The following INTU variants were observed in gnomAD, a reference collection of about 807,000 sequenced individuals.
INTU encodes the protein inturned planar cell polarity protein.
In INTU, 68 loss-of-function variants were observed where a neutral mutation model predicts 100.5. That is an observed-to-expected ratio of 0.68 (90% CI 0.56 to 0.83). INTU has a LOEUF of 0.83. Ranked by LOEUF, INTU falls within the 40% of genes least tolerant of loss-of-function variation. INTU has a pLI of 0.00. For missense variants in INTU, 1,071 were observed against 1,114.7 expected, an observed-to-expected ratio of 0.96 and a Z score of 0.56; for synonymous variants, 357 against 395.7, an observed-to-expected ratio of 0.90 and a Z score of 1.16.
intron 8 of INTU, among the ~76,000 whole-genome samples, chr4:127,695,647 A>G (rs969171680): frequency 6.6e-6 from 1 of 152,208 alleles, no homozygotes; most frequent in African/African-American, 2.4e-5. Flanking sequence ...CATGTCATCT[A>G]TGAACAAAGA....
chr4:127,652,771 G>A (rs1428807754), intron 2 of INTU, among the ~76,000 whole-genome samples: 3 of 134,824 alleles, frequency 2.2e-5, no homozygotes, highest in Non-Finnish European at 4.7e-5. Flanking sequence ...TTTTTCTATT[G>A]ATTGGAATAG....
rs1197417140 is a variant in INTU at position 127,706,501 on chromosome 4, A to G, written c.1803A>G (p.Leu601=). ...LLVVGLKHYM[L]CVLLEAGGCA... Reference sequence around the variant, plus strand: ...TTTCCCTATAGAAACATTATATGCTATGTGTACTATTAGAAGCTGGAGGTT... The same window carrying G: ...TTTCCCTATAGAAACATTATATGCTGTGTGTACTATTAGAAGCTGGAGGTT... The change falls in exon 12 of 16, where the codon CTA becomes CTG. Residue 601 remains leucine (L), a synonymous_variant. Coordinates refer to ENST00000335251, the MANE Select transcript of INTU (RefSeq NM_015693.4). 5 of 1,612,206 alleles carry G rather than the reference A, an allele frequency of 3.1e-6. No homozygotes were observed. Among genetic ancestry groups the G allele is most frequent in the Non-Finnish European group, 4.2e-6 (5 of 1,178,958 alleles).
At chr4:127,673,098 A>C (rs548634562) in intron 5 of INTU, among the ~76,000 whole-genome samples, 1 of 152,218 alleles carries the variant, frequency 6.6e-6, no homozygotes, top group Non-Finnish European at 1.5e-5. Flanking sequence ...CTGGGACTAC[A>C]TCTTCCTTTC....
chr4:127,649,047 C>A (rs1727712475), intron 2 of INTU, among the ~76,000 whole-genome samples: 1 of 151,998 alleles, frequency 6.6e-6, no homozygotes, highest in Non-Finnish European at 1.5e-5. Context: ...CTGCACTTAA[C>A]CCCATTCTCA....
chr4:127,710,240 C>T (rs1041206424), intron 13 of INTU, among the ~76,000 whole-genome samples: 2 of 151,846 alleles, frequency 1.3e-5, no homozygotes, highest in Non-Finnish European at 2.9e-5. Context: ...TATTGACATG[C>T]AAAGATGTTT....
intron 4 of INTU, among the ~76,000 whole-genome samples, chr4:127,665,731 G>C (rs887266122): frequency 1.3e-5 from 2 of 152,060 alleles, no homozygotes; most frequent in Non-Finnish European, 2.9e-5. Context: ...GCATCTAGCT[G>C]CCAATGAGAG....
Position 127,714,110 on chromosome 4 carries a change from A to T in INTU, c.2717+17A>T. The T allele has an allele frequency of 6.3e-7, 1 of 1,591,664 alleles. No individual in the cohort carries two copies. The highest frequency in any genetic ancestry group is 8.5e-7 in the Non-Finnish European group (1 of 1,170,168). Reference sequence around the variant, plus strand: ...GGTAGTAGGGTAAGTGAGAAAAAAAAGTATTTGAAAGTAAAGTGTTAGAAA... The same window carrying T: ...GGTAGTAGGGTAAGTGAGAAAAAAATGTATTTGAAAGTAAAGTGTTAGAAA... On this transcript the variant is annotated intron_variant, in intron 15 of 15. Coordinates refer to ENST00000335251, the MANE Select transcript of INTU (RefSeq NM_015693.4).
chr4:127,707,060 A>G, intron 12 of INTU, 91 bp downstream of exon 12: 1 of 1,375,424 alleles, frequency 7.3e-7, no homozygotes, highest in Non-Finnish European at 9.9e-7. Context: ...TTAGTGGCAT[A>G]CCATTCTTCA....
At position 127,718,559 on chromosome 4, in the gene INTU, A is replaced by G. The variant is rs1396796363; in HGVS notation, c.*2123A>G. The G allele has an allele frequency of 2.0e-5, 3 of 152,172 alleles. No homozygotes were observed. Among genetic ancestry groups the G allele is most frequent in the Admixed American group, 2.0e-4 (3 of 15,268 alleles). 9.4% of individuals were successfully genotyped at this position (152,172 alleles called of 1,614,324 possible). A position where few individuals can be genotyped will look rare whatever the true frequency, so the allele number is the denominator to read the frequency against. ...GTTTAATGGGAATAACATTGACTCT[A>G]TAAATTACTTTGGGCAGTATGGCTA... On this transcript the variant is annotated 3_prime_UTR_variant, in exon 16 of 16. Transcript: ENST00000335251.
At chr4:127,653,104 TTC>T (rs1727981456) in intron 2 of INTU, among the ~76,000 whole-genome samples, 1 of 151,326 alleles carries the variant, frequency 6.6e-6, no homozygotes, top group African/African-American at 2.4e-5. Flanking sequence ...TATTTGATTC[TTC>T]TCTCTTTTTT....
chr4:127,716,641 T>C lies in INTU; in HGVS notation c.*205T>C, dbSNP rs1731270875. 3.1e-6 allele frequency: 1 copy of C among 323,198 alleles called. No homozygotes were observed. Among genetic ancestry groups the C allele is most frequent in the Non-Finnish European group, 5.6e-6 (1 of 178,822 alleles). 20.0% of individuals were successfully genotyped at this position (323,198 alleles called of 1,614,324 possible). A position where few individuals can be genotyped will look rare whatever the true frequency, so the allele number is the denominator to read the frequency against. On this transcript the variant is annotated 3_prime_UTR_variant, in exon 16 of 16. Transcript: ENST00000335251. ...ATTGTAAGACTTTTGAGAATATACT[T>C]GATTAAAATGTGAAAGAAGGGATTG... is the stretch of plus-strand genomic sequence containing the variant.
chr4:127,671,690 G>A (rs1056891631), intron 5 of INTU, among the ~76,000 whole-genome samples: 4 of 151,878 alleles, frequency 2.6e-5, no homozygotes, highest in African/African-American at 7.2e-5. Flanking sequence ...ATTCACAATA[G>A]CAAAGATAAT....
At chr4:127,703,431 A>C (rs1730737909) in intron 9 of INTU, among the ~76,000 whole-genome samples, 1 of 152,176 alleles carries the variant, frequency 6.6e-6, no homozygotes, top group African/African-American at 2.4e-5. Context: ...TATGGATTGG[A>C]ATGTATCCTT....
chr4:127,703,657 T>A (rs1730749066), intron 9 of INTU, among the ~76,000 whole-genome samples: 1 of 152,178 alleles, frequency 6.6e-6, no homozygotes, highest in South Asian at 2.1e-4. Context: ...CTGTGGTATA[T>A]CTAGTTTTGC....
chr4:127,659,966 A>G (rs1190497184), intron 3 of INTU, among the ~76,000 whole-genome samples: 6 of 152,224 alleles, frequency 3.9e-5, no homozygotes, highest in African/African-American at 7.2e-5. Context: ...AATTTTTTAA[A>G]TATTTGTAAA....
chr4:127,635,147 A>C (rs1301062993), intron 1 of INTU, among the ~76,000 whole-genome samples: 1 of 152,214 alleles, frequency 6.6e-6, no homozygotes, highest in Admixed American at 6.5e-5. Context: ...GCTGTATGTG[A>C]TTGTCAATAT....
chr4:127,703,865 C>A (rs1560615855), intron 9 of INTU, among the ~76,000 whole-genome samples: 1 of 151,992 alleles, frequency 6.6e-6, no homozygotes, highest in East Asian at 1.9e-4. Context: ...AAATAGGTTG[C>A]ATCAATTAGT....
chr4:127,648,943 A>G (rs1459525993), intron 2 of INTU, among the ~76,000 whole-genome samples: 1 of 152,108 alleles, frequency 6.6e-6, no homozygotes, highest in African/African-American at 2.4e-5. Flanking sequence ...CTTGGTGCCC[A>G]TGCTTGCAAA....
intron 6 of INTU, among the ~76,000 whole-genome samples, chr4:127,676,242 A>G (rs1260954897): frequency 6.6e-6 from 1 of 152,042 alleles, no homozygotes; most frequent in Non-Finnish European, 1.5e-5. Flanking sequence ...AACCCTTCTC[A>G]GAGACTGTCC....
Sources: gnomAD v4.1 joint callset for allele counts (sites outside exome capture counted in the v4.1 genomes callset) on GRCh38, gnomAD v4.1.1 for gene constraint, MANE v1.5 for transcripts, NCBI Gene and HGNC (gene_info 2026-07-23, HGNC 2026-07-21) for gene names.